Variants in ANTXR1 observed in about 807,000 individuals in gnomAD.
ANTXR1 encodes the protein ANTXR cell adhesion molecule 1.
ANTXR1 carries 19 observed loss-of-function variants against 78.1 expected under a neutral mutation model. The observed-to-expected ratio is 0.24, with a 90% CI of 0.17 to 0.36. The LOEUF (loss-of-function observed/expected upper bound fraction) is 0.36. Ranked by LOEUF, ANTXR1 falls within the 10% of genes least tolerant of loss-of-function variation. ANTXR1 has a pLI of 1.00. For synonymous variants in ANTXR1, 273 were observed against 260.5 expected (o/e 1.05, Z -0.46); for missense variants, 518 against 718.6 (o/e 0.72, Z 3.19).
At chr2:69,216,049 G>A (rs1230629114) in intron 17 of ANTXR1, among the ~76,000 whole-genome samples, 3 of 152,328 alleles carry the variant, frequency 2.0e-5, no homozygotes, top group East Asian at 1.9e-4. Context: ...CCAGAGGTGG[G>A]AGCTCTTTTA....
chr2:69,029,755 T>A (rs1671472375), intron 1 of ANTXR1, among the ~76,000 whole-genome samples: 1 of 151,894 alleles, frequency 6.6e-6, no homozygotes, highest in Non-Finnish European at 1.5e-5. Flanking sequence ...AAAAATTACC[T>A]AAAAATATTG....
At chr2:69,147,936 G>GC (rs1673272938) in intron 12 of ANTXR1, among the ~76,000 whole-genome samples, 1 of 152,126 alleles carries the variant, frequency 6.6e-6, no homozygotes, top group Non-Finnish European at 1.5e-5. Context: ...TGTTAAGTAA[G>GC]TTAGCATTGG....
At chr2:69,045,100 G>T (rs1427967669) in intron 3 of ANTXR1, among the ~76,000 whole-genome samples, 1 of 152,120 alleles carries the variant, frequency 6.6e-6, no homozygotes, top group Non-Finnish European at 1.5e-5. Context: ...AACTTGGAGC[G>T]AAATGTTGGC....
chr2:69,176,563 C>A lies in ANTXR1; in HGVS notation c.1090-5223C>A, dbSNP rs553503008. 5.9e-5 allele frequency among the ~76,000 whole-genome samples: 9 copies of A among 152,328 alleles called. No homozygotes were observed. In the East Asian group the frequency reaches 1.7e-3, roughly 29 times the overall value. ...GTCCTTTAATTCATGTCGTCATTCT[C>A]ACGAAACTCACTCCTCTATAAATGT... On this transcript the variant is annotated intron_variant, in intron 14 of 17. Transcript: ENST00000303714.
At chr2:69,070,777 T>C in intron 4 of ANTXR1, 49 bp downstream of exon 4, 1 of 1,556,882 alleles carries the variant, frequency 6.4e-7, no homozygotes, top group Non-Finnish European at 8.9e-7. Flanking sequence ...GATATTGAAA[T>C]ATCAACATGG....
chr2:69,117,070 AG>A (rs1476441991), intron 10 of ANTXR1, among the ~76,000 whole-genome samples: 1 of 152,234 alleles, frequency 6.6e-6, no homozygotes, highest in Non-Finnish European at 1.5e-5. Context: ...TGGCATGACC[AG>A]GGCCTCTCAA....
intron 3 of ANTXR1, among the ~76,000 whole-genome samples, chr2:69,068,286 A>G (rs1670462994): frequency 6.6e-6 from 1 of 152,234 alleles, no homozygotes; most frequent in African/African-American, 2.4e-5. Context: ...AAACCTAAAT[A>G]ATTGCATAAT....
intron 17 of ANTXR1, among the ~76,000 whole-genome samples, chr2:69,227,931 A>G (rs1318805536): frequency 6.6e-6 from 1 of 152,218 alleles, no homozygotes; most frequent in Non-Finnish European, 1.5e-5. Context: ...AGCTTTTGCA[A>G]GGAAGGCTGG....
At chr2:69,124,776 C>A in intron 12 of ANTXR1, 133 bp downstream of exon 12, 2 of 872,166 alleles carry the variant, frequency 2.3e-6, no homozygotes, top group Non-Finnish European at 3.7e-6. Flanking sequence ...GAGCTTTGAT[C>A]CCAGCACTGC....
chr2:69,062,748 A>G (rs1489994477), intron 3 of ANTXR1, among the ~76,000 whole-genome samples: 1 of 152,216 alleles, frequency 6.6e-6, no homozygotes, highest in Non-Finnish European at 1.5e-5. Context: ...GTTAATAGAA[A>G]CAAACCACAG....
chr2:69,140,319 A>T (rs953204198), intron 12 of ANTXR1, among the ~76,000 whole-genome samples: 3 of 152,218 alleles, frequency 2.0e-5, no homozygotes, highest in African/African-American at 7.2e-5. Context: ...GCAAACTAGG[A>T]TTTATACATC....
chr2:69,160,350 A>G (rs1168770827), intron 13 of ANTXR1, among the ~76,000 whole-genome samples: 7 of 152,082 alleles, frequency 4.6e-5, no homozygotes, highest in Non-Finnish European at 8.8e-5. Flanking sequence ...GTCAAAGTCG[A>G]CTGGGTTTCA....
intron 16 of ANTXR1, among the ~76,000 whole-genome samples, chr2:69,190,138 G>A (rs1196742920): frequency 6.6e-6 from 1 of 152,178 alleles, no homozygotes; most frequent in East Asian, 1.9e-4. Flanking sequence ...TGGCAGAGAG[G>A]TCGGAGGGAG....
chr2:69,074,976 T>TC (rs201690533), intron 6 of ANTXR1, among the ~76,000 whole-genome samples: 1,700 of 152,312 alleles, frequency 0.011, 33 homozygotes, highest in African/African-American at 0.039. Context: ...ATCCCAATGC[T>TC]TAATTGTAGA....
At chr2:69,044,947 A>C in intron 3 of ANTXR1, 134 bp downstream of exon 3, 1 of 856,918 alleles carries the variant, frequency 1.2e-6, no homozygotes, top group South Asian at 1.4e-5. Context: ...CTAAGTTTTT[A>C]ACCTTACGTA....
At chr2:69,188,006 C>A in intron 16 of ANTXR1, among the ~76,000 whole-genome samples, 1 of 106,764 alleles carries the variant, frequency 9.4e-6, no homozygotes, top group Non-Finnish European at 1.9e-5. Context: ...GCAGACAAAC[C>A]AGAAGAAAAG....
At chr2:69,044,708 T>C in intron 2 of ANTXR1, 34 bp from the exon 3 acceptor site, 1 of 1,609,216 alleles carries the variant, frequency 6.2e-7, no homozygotes, top group Non-Finnish European at 8.5e-7. Flanking sequence ...GCAGTCTTAT[T>C]GTCTGTCCTA....
chr2:69,182,416 T>C lies in ANTXR1; in HGVS notation c.1186-77T>C, dbSNP rs1674297862. ...TGGGTAGCATTCACATTGCAACTCA[T>C]GCATGTATTTGTCATTCTCATTCTC... On this transcript the variant is annotated intron_variant, in intron 15 of 17. Transcript: ENST00000303714. The C allele has an allele frequency of 1.7e-5, 26 of 1,529,350 alleles. No individual in the cohort carries two copies. The South Asian group carries it at 3.0e-4, about 18-fold the overall frequency. 94.7% of individuals were successfully genotyped at this position (1,529,350 alleles called of 1,614,324 possible).
chr2:69,151,581 G>T (rs1237892760), intron 12 of ANTXR1, among the ~76,000 whole-genome samples: 1 of 152,128 alleles, frequency 6.6e-6, no homozygotes, highest in Non-Finnish European at 1.5e-5. Context: ...TCATTCCCAT[G>T]TAGCCACTTG....
Sources: gnomAD v4.1 joint callset for allele counts (sites outside exome capture counted in the v4.1 genomes callset) on GRCh38, gnomAD v4.1.1 for gene constraint, MANE v1.5 for transcripts, NCBI Gene and HGNC (gene_info 2026-07-23, HGNC 2026-07-21) for gene names.